Variants in BTBD16 observed in about 807,000 individuals in gnomAD.
The protein encoded by BTBD16 is BTB domain containing 16.
In BTBD16, 66 loss-of-function variants were observed where a neutral mutation model predicts 67.4. The observed-to-expected ratio is 0.98, with a 90% CI of 0.80 to 1.20. BTBD16 has a LOEUF of 1.20. Ranked by LOEUF, BTBD16 falls within the 50% of genes most tolerant of loss-of-function variation. The pLI is 0.00. For synonymous variants in BTBD16, 242 were observed against 236.4 expected, an observed-to-expected ratio of 1.02 and a Z score of -0.22; for missense variants, 634 against 616.0, an observed-to-expected ratio of 1.03 and a Z score of -0.31.
At chr10:122,315,582 G>A (rs995990594) in intron 10 of BTBD16, among the ~76,000 whole-genome samples, 2 of 152,126 alleles carry the variant, frequency 1.3e-5, no homozygotes, top group African/African-American at 4.8e-5. Flanking sequence ...GGGAGAGACT[G>A]CTGTTCTGTC....
chr10:122,314,206 A>G (rs1406291603), intron 10 of BTBD16, among the ~76,000 whole-genome samples: 1 of 152,208 alleles, frequency 6.6e-6, no homozygotes, highest in Non-Finnish European at 1.5e-5. Flanking sequence ...AAATGGTATA[A>G]ATCTCCATTT....
At chr10:122,306,068 A>G (rs1253916850) in intron 9 of BTBD16, among the ~76,000 whole-genome samples, 1 of 152,218 alleles carries the variant, frequency 6.6e-6, no homozygotes, top group Non-Finnish European at 1.5e-5. Context: ...AGCTTATTCT[A>G]GATGACCTGG....
At chr10:122,302,859 G>T (rs2096396718) in intron 9 of BTBD16, among the ~76,000 whole-genome samples, 1 of 152,148 alleles carries the variant, frequency 6.6e-6, no homozygotes, top group African/African-American at 2.4e-5. Flanking sequence ...GATAGGAAAT[G>T]ACGGGATCAG....
At chr10:122,274,402 C>A (rs1564944848) in intron 1 of BTBD16, among the ~76,000 whole-genome samples, 1 of 152,246 alleles carries the variant, frequency 6.6e-6, no homozygotes, top group African/African-American at 2.4e-5. Context: ...CAGGTCCCTG[C>A]AGCTGCTTCC....
rs71026011 is a variant in BTBD16, at chr10:122,280,558, T to TTTATA, written c.168-3270_168-3266dup. ...AATGGGAAGAAGGGACCCCTATATT[T>TTTATA]TTATATTATATTATATTATATTATA... On this transcript the variant is annotated intron_variant, in intron 3 of 15. Transcript: ENST00000260723. Among the ~76,000 whole-genome samples, 277 of 31,390 alleles carry TTTATA rather than the reference T, an allele frequency of 8.8e-3. 2 individuals carry two copies. The highest frequency in any genetic ancestry group is 0.046 in the African/African-American group (226 of 4,928). The allele number at this position is 31,390 out of a possible 152,430, so 20.6% of individuals were successfully genotyped here. A position where few individuals can be genotyped will look rare whatever the true frequency, so the allele number is the denominator to read the frequency against.
intron 8 of BTBD16, among the ~76,000 whole-genome samples, chr10:122,298,717 G>T (rs2096388187): frequency 6.6e-6 from 1 of 152,280 alleles, no homozygotes. Flanking sequence ...CGACAGGCAA[G>T]AGCAGGAACC....
chr10:122,310,508 A>G (rs914175571), intron 10 of BTBD16, among the ~76,000 whole-genome samples: 3 of 152,146 alleles, frequency 2.0e-5, no homozygotes, highest in Non-Finnish European at 4.4e-5. Flanking sequence ...CTGGGCCAGC[A>G]TTGCGTCACC....
intron 9 of BTBD16, among the ~76,000 whole-genome samples, chr10:122,301,000 A>G (rs559350790): frequency 6.6e-6 from 1 of 152,316 alleles, no homozygotes; most frequent in East Asian, 1.9e-4. Flanking sequence ...GAGTTCTGGG[A>G]CAGAGGGAAG....
At chr10:122,329,955 A>C (rs1167404201) in intron 11 of BTBD16, among the ~76,000 whole-genome samples, 3 of 152,178 alleles carry the variant, frequency 2.0e-5, no homozygotes, top group Admixed American at 6.5e-5. Context: ...CCTTAACCTC[A>C]TGCTCTGGGC....
intron 15 of BTBD16, among the ~76,000 whole-genome samples, chr10:122,337,036 C>T (rs2096464390): frequency 6.6e-6 from 1 of 152,160 alleles, no homozygotes; most frequent in African/African-American, 2.4e-5. Context: ...ATTAATTTCC[C>T]TGAAATCCAC....
intron 11 of BTBD16, among the ~76,000 whole-genome samples, chr10:122,329,843 G>C (rs1170742701): frequency 1.3e-5 from 2 of 152,220 alleles, no homozygotes; most frequent in Non-Finnish European, 2.9e-5. Context: ...CGGCTGCCAA[G>C]GGCTGTTTTA....
chr10:122,316,522 C>T (rs2096424835), intron 10 of BTBD16, among the ~76,000 whole-genome samples: 1 of 152,176 alleles, frequency 6.6e-6, no homozygotes, highest in African/African-American at 2.4e-5. Flanking sequence ...GCCTACTACA[C>T]ACCTGGGCTA....
intron 10 of BTBD16, 112 bp from the exon 11 acceptor site, chr10:122,329,368 C>T (rs1590097550): frequency 3.1e-6 from 3 of 962,380 alleles, no homozygotes; most frequent in African/African-American, 3.2e-5. Flanking sequence ...GGCCCCATCT[C>T]CCCCTGGCTA....
chr10:122,331,685 C>T (rs76320878), intron 12 of BTBD16, among the ~76,000 whole-genome samples: 41 of 152,246 alleles, frequency 2.7e-4, no homozygotes, highest in African/African-American at 8.7e-4. Flanking sequence ...GTTTTCCATG[C>T]GGCATTTCCC....
chr10:122,286,150 C>G lies in BTBD16; in HGVS notation c.287C>G (p.Pro96Arg). 6.2e-7 allele frequency: 1 copy of G among 1,613,938 alleles called. No homozygotes were observed. The highest frequency in any genetic ancestry group is 8.5e-7 in the Non-Finnish European group (1 of 1,179,878). The change falls in exon 5 of 16, where the codon CCC becomes CGC. Residue 96 changes from proline to arginine, a missense_variant. Physicochemically the swap from Pro to Arg is moderately radical, Grantham distance 103. Transcript: ENST00000260723. ...GGCTTCAAATGGGAGCTCCATCAGC[C>G]CCAGCTTTTTCAGTCTGAGACCTTG... ...CLGFKWELHQ[P>R]QLFQSETLAK...
chr10:122,277,631 A>G (rs1477182497), intron 3 of BTBD16, among the ~76,000 whole-genome samples: 11 of 152,106 alleles, frequency 7.2e-5, no homozygotes, highest in Admixed American at 6.5e-4. Flanking sequence ...TCACATGGCA[A>G]GCGAGGAAGC....
chr10:122,278,648 T>C (rs1413690377), intron 3 of BTBD16, among the ~76,000 whole-genome samples: 3 of 152,204 alleles, frequency 2.0e-5, no homozygotes, highest in Non-Finnish European at 4.4e-5. Context: ...CCCCAGTTCC[T>C]TCCTCCAGGA....
intron 2 of BTBD16, among the ~76,000 whole-genome samples, chr10:122,275,853 C>G (rs2096339405): frequency 6.6e-6 from 1 of 152,022 alleles, no homozygotes; most frequent in Non-Finnish European, 1.5e-5. Flanking sequence ...AGTTCTGCTC[C>G]TGGGCATATA....
chr10:122,297,624 C>T (rs188951230), intron 7 of BTBD16, 144 bp from the exon 8 acceptor site: 1 of 813,646 alleles, frequency 1.2e-6, no homozygotes, highest in East Asian at 2.7e-5. Context: ...TGTCCTCTGG[C>T]CAAATGTCCA....
Sources: gnomAD v4.1 joint callset for allele counts (sites outside exome capture counted in the v4.1 genomes callset) on GRCh38, gnomAD v4.1.1 for gene constraint, MANE v1.5 for transcripts, NCBI Gene and HGNC (gene_info 2026-07-23, HGNC 2026-07-21) for gene names.